The following NCF2 variants were observed in gnomAD, a reference collection of about 807,000 sequenced individuals.
NCF2 encodes neutrophil cytosol factor 2.
In NCF2, 45 loss-of-function variants were observed where a neutral mutation model predicts 70.9. The observed-to-expected ratio is 0.63, with a 90% CI of 0.50 to 0.81. NCF2 has a LOEUF of 0.81. NCF2 is among the 40% of genes least tolerant of loss of function. NCF2 has a pLI of 0.00. For synonymous variants in NCF2, 203 were observed against 233.6 expected (o/e 0.87, Z 1.19); for missense variants, 522 against 631.6 (o/e 0.83, Z 1.86).
intron 5 of NCF2, among the ~76,000 whole-genome samples, chr1:183,571,870 C>T (rs1158883089): frequency 6.6e-6 from 1 of 152,202 alleles, no homozygotes; most frequent in Non-Finnish European, 1.5e-5. Context: ...TCGTATCTGG[C>T]TTCCTTCACA....
At chr1:183,571,877 C>T (rs1672578932) in intron 5 of NCF2, among the ~76,000 whole-genome samples, 2 of 152,218 alleles carry the variant, frequency 1.3e-5, no homozygotes, top group South Asian at 2.1e-4. Context: ...TGGCTTCCTT[C>T]ACATAGCATA....
intron 4 of NCF2, among the ~76,000 whole-genome samples, chr1:183,573,871 C>A (rs1266006760): frequency 6.6e-6 from 1 of 152,244 alleles, no homozygotes; most frequent in African/African-American, 2.4e-5. Context: ...GGGCAGATCA[C>A]CTGAGGTCAG....
intron 4 of NCF2, 41 bp downstream of exon 4, chr1:183,574,446 C>T: frequency 1.9e-6 from 3 of 1,613,984 alleles, no homozygotes; most frequent in Non-Finnish European, 2.5e-6. Flanking sequence ...AATGAGAATC[C>T]AGTGACATCC....
intron 1 of NCF2, 118 bp from the exon 2 acceptor site, chr1:183,587,095 T>A (rs1673389510): frequency 1.0e-6 from 1 of 960,014 alleles, no homozygotes; most frequent in Non-Finnish European, 1.7e-6. Flanking sequence ...TCTGCCCTCG[T>A]CGGCACCTCG....
At chr1:183,573,347 T>C (rs1672656998) in intron 4 of NCF2, 55 bp from the exon 5 acceptor site, 1 of 1,476,448 alleles carries the variant, frequency 6.8e-7, no homozygotes, top group African/African-American at 1.4e-5. Context: ...TGACGATGCT[T>C]GTCCTGCCTC....
chr1:183,597,979 G>A, the NCF2 span: 4 of 152,264 alleles, frequency 2.6e-5, no homozygotes, highest in African/African-American at 2.4e-5. Context: ...CTGACAAGCT[G>A]GCCTCATTAG....
At chr1:183,598,318 GC>G in the NCF2 span, 1 of 152,070 alleles carries the variant, frequency 6.6e-6, no homozygotes, top group African/African-American at 2.4e-5. Flanking sequence ...ATAGATGTAA[GC>G]CCCAGGCCCA....
the NCF2 span, among the ~76,000 whole-genome samples, chr1:183,597,368 A>G: frequency 1.3e-5 from 2 of 152,110 alleles, no homozygotes; most frequent in Admixed American, 6.5e-5. Context: ...ACAGTTACTG[A>G]TGTTGAAGGA....
chr1:183,555,565 AAAAAG>A lies in NCF2; in HGVS notation c.*548_*552del, dbSNP rs1193337470. On this transcript the variant is annotated 3_prime_UTR_variant, in exon 15 of 15. Coordinates refer to ENST00000367535, the MANE Select transcript of NCF2 (RefSeq NM_000433.4). The stretch of plus-strand genomic sequence containing the variant: ...CTGTTTAAGCAACAAGACATAATGA[AAAAAG>A]AAAACAAACAAGTTTATTTGTATAT... The A allele has an allele frequency of 6.4e-6, 1 of 156,672 alleles. No individual in the cohort carries two copies. Among genetic ancestry groups the A allele is most frequent in the East Asian group, 1.8e-4 (1 of 5,458 alleles). 9.7% of individuals were successfully genotyped at this position (156,672 alleles called of 1,614,324 possible).
intron 3 of NCF2, among the ~76,000 whole-genome samples, chr1:183,574,823 T>C (rs553969184): frequency 1.1e-4 from 17 of 152,320 alleles, no homozygotes; most frequent in African/African-American, 4.1e-4. Flanking sequence ...GAAAACACCA[T>C]GGAATGCGTA....
chr1:183,571,694 T>A (rs1672571513), intron 5 of NCF2, among the ~76,000 whole-genome samples: 1 of 152,222 alleles, frequency 6.6e-6, no homozygotes, highest in Non-Finnish European at 1.5e-5. Flanking sequence ...TTTTCATCAT[T>A]CATTCATATA....
intron 10 of NCF2, among the ~76,000 whole-genome samples, chr1:183,565,310 T>G (rs1672252097): frequency 6.6e-6 from 1 of 152,226 alleles, no homozygotes; most frequent in Non-Finnish European, 1.5e-5. Context: ...CAGAGCAATT[T>G]CTTTTCCAGA....
chr1:183,598,973 C>T, the NCF2 span, among the ~76,000 whole-genome samples: 1 of 152,182 alleles, frequency 6.6e-6, no homozygotes, highest in Non-Finnish European at 1.5e-5. Flanking sequence ...GACTTATGGG[C>T]TGAGCCCTAG....
At chr1:183,556,326 TC>T in intron 14 of NCF2, 96 bp from the exon 15 acceptor site, 1 of 1,025,452 alleles carries the variant, frequency 9.8e-7, no homozygotes, top group Non-Finnish European at 1.5e-6. Context: ...CTGTCACCCT[TC>T]CCCACCCCTA....
chr1:183,587,878 ATAGT>A (rs1673434937), intron 1 of NCF2, among the ~76,000 whole-genome samples: 1 of 152,174 alleles, frequency 6.6e-6, no homozygotes, highest in African/African-American at 2.4e-5. Flanking sequence ...TATTTAAAAT[ATAGT>A]TAGTTATATT....
the NCF2 span, among the ~76,000 whole-genome samples, chr1:183,598,419 G>A: frequency 6.6e-6 from 1 of 152,004 alleles, no homozygotes; most frequent in Non-Finnish European, 1.5e-5. Context: ...GGAGATGAGG[G>A]AAGTGGGGAG....
chr1:183,576,526 A>C (rs1014978060), intron 3 of NCF2, among the ~76,000 whole-genome samples: 5 of 152,222 alleles, frequency 3.3e-5, no homozygotes, highest in Non-Finnish European at 7.3e-5. Flanking sequence ...CACGATGCGC[A>C]GGACGCACCA....
chr1:183,591,759 G>A (rs1221113027), upstream of NCF2, among the ~76,000 whole-genome samples: 2 of 152,244 alleles, frequency 1.3e-5, no homozygotes, highest in East Asian at 1.9e-4. Flanking sequence ...AAAGTGCTGG[G>A]ATTACAGGAG....
At chr1:183,563,872 A>G (rs757164414) in intron 11 of NCF2, 133 bp downstream of exon 11, 37 of 1,043,920 alleles carry the variant, frequency 3.5e-5, no homozygotes, top group Non-Finnish European at 5.4e-5. Flanking sequence ...TAGCTCATGG[A>G]CTCTGTAAGG....
Sources: allele counts gnomAD v4.1 joint callset (sites outside exome capture counted in the v4.1 genomes callset), GRCh38; gene constraint gnomAD v4.1.1; transcripts MANE v1.5; gene names NCBI Gene and HGNC (gene_info 2026-07-23, HGNC 2026-07-21).